Variants in CPAMD8 observed in about 807,000 individuals in gnomAD.
The protein encoded by CPAMD8 is C3 and PZP like alpha-2-macroglobulin domain containing 8, also known as C3 and PZP-like alpha-2-macroglobulin domain-containing protein 8.
Under a neutral mutation model 224.7 loss-of-function variants are expected in CPAMD8, and 146 were observed. That is an observed-to-expected ratio of 0.65 (90% confidence interval 0.57 to 0.75). The LOEUF is 0.75. Among genes scored for constraint, CPAMD8 ranks in the 30% least tolerant of loss-of-function variants. The pLI, the probability that CPAMD8 is intolerant of heterozygous loss-of-function variation, is 0.00. For missense variants in CPAMD8, 2,301 were observed against 2,537.5 expected, an observed-to-expected ratio of 0.91 and a Z score of 2.00; for synonymous variants, 966 against 1,044.6, an observed-to-expected ratio of 0.92 and a Z score of 1.45.
At position 16,907,019 on chromosome 19, in the gene CPAMD8, C is replaced by T. The variant is rs2052544905; in HGVS notation, c.3960G>A (p.Leu1320=). Residue 1320 remains leucine, a synonymous_variant, in exon 30 of 42, where the codon CTG becomes CTA. Transcript: ENST00000443236. ...GGGCTGCCGGGCTGCGGAGCAGGGT[C>T]AGCGCGTAGGTAGTCAGGGCACAGC... ...PYSCALTTYA[L]TLLRSPAAPE... is the part of the protein sequence containing the mutation. 1 of 1,608,118 alleles carries T rather than the reference C, an allele frequency of 6.2e-7. No homozygotes were observed. Among genetic ancestry groups the T allele is most frequent in the Non-Finnish European group, 8.5e-7 (1 of 1,178,336 alleles).
At chr19:17,001,791 G>A (rs2123037625) in intron 9 of CPAMD8, among the ~76,000 whole-genome samples, 1 of 151,896 alleles carries the variant, frequency 6.6e-6, no homozygotes, top group South Asian at 2.1e-4. Flanking sequence ...GGAGATGGAA[G>A]GGGAGGGCAG....
At position 17,020,927 on chromosome 19, in the gene CPAMD8, C is replaced by T. The variant is rs188791761; in HGVS notation, c.245-574G>A. Among the ~76,000 whole-genome samples, 5 of 152,324 alleles carry T rather than the reference C, an allele frequency of 3.3e-5. No individual in the cohort carries two copies. In the East Asian group the frequency reaches 9.6e-4, roughly 29 times the overall value. On this transcript the variant is annotated intron_variant, in intron 2 of 41. Transcript: ENST00000443236. ...AGCTATCTGCCCAGCACACAACGCACGTGGCTCCCAAGCTCTCCATCCACC... is the reference window on the plus strand; with the variant it reads ...AGCTATCTGCCCAGCACACAACGCATGTGGCTCCCAAGCTCTCCATCCACC...
chr19:16,945,484 GC>G, intron 22 of CPAMD8, 64 bp downstream of exon 22: 1 of 1,578,342 alleles, frequency 6.3e-7, no homozygotes, highest in Non-Finnish European at 8.6e-7. Flanking sequence ...CTCCAGCTGG[GC>G]CCAGCTTCAT....
At chr19:17,001,915 C>A (rs2123039144) in intron 9 of CPAMD8, among the ~76,000 whole-genome samples, 1 of 150,102 alleles carries the variant, frequency 6.7e-6, no homozygotes, top group African/African-American at 2.5e-5. Context: ...TGGCCACATC[C>A]TGGGGAGGGG....
rs367926026 is a variant in CPAMD8, at chr19:16,893,323, G to A, written c.5443C>T (p.Arg1815Trp). ...AGGTTCCCGCTGCTCACAGGAGGCCGAGGCCCGGCTGTGACCCTGGAGATG... is the reference window on the plus strand; with the variant it reads ...AGGTTCCCGCTGCTCACAGGAGGCCAAGGCCCGGCTGTGACCCTGGAGATG... ...EAEDRVTAGP[R>W]PPVSSGNLES... Residue 1815 changes from arginine (R) to tryptophan (W), a missense_variant, in exon 42 of 42, where the codon CGG (arginine) becomes TGG (tryptophan). By Grantham distance (101) the Arg-to-Trp change is moderately radical. Around this residue, in one of 4 missense-constraint regions of CPAMD8, gnomAD observed 1,709 missense variants for 1,753.2 expected, o/e 0.97. Coordinates refer to ENST00000443236, the MANE Select transcript of CPAMD8 (RefSeq NM_015692.5). 97 of 1,537,302 alleles carry A rather than the reference G, an allele frequency of 6.3e-5. 1 individual carries two copies. The African/African-American group carries it at 1.1e-3, about 17-fold the overall frequency.
Position 16,976,059 on chromosome 19 carries a change from G to A in CPAMD8, c.1851C>T (p.Ala617=), listed in dbSNP as rs201887865. The A allele has an allele frequency of 1.4e-3, 2,286 of 1,611,648 alleles. 13 individuals are homozygous for A. Among genetic ancestry groups the A allele is most frequent in the African/African-American group, 8.9e-3 (667 of 74,974 alleles). ...GCAGGTAGACACTCTTATCAACTGC[G>A]GCGACGCACACACAGCTGCCCCTTG... The part of the protein sequence containing the change: ...RAARGSCVCV[A]AVDKSVYLLR... The change falls in exon 16 of 42, where the codon GCC becomes GCT. Residue 617 remains alanine (A), a synonymous_variant. Coordinates refer to ENST00000443236, the MANE Select transcript of CPAMD8 (RefSeq NM_015692.5).
chr19:17,026,432 G>A, intron 1 of CPAMD8, 119 bp downstream of exon 1: 2 of 1,145,850 alleles, frequency 1.7e-6, no homozygotes, highest in South Asian at 1.9e-5. Context: ...AAGAGGCCAG[G>A]TCCAGCCCAG....
chr19:16,945,812 G>C, intron 21 of CPAMD8, 133 bp from the exon 22 acceptor site: 2 of 808,852 alleles, frequency 2.5e-6, no homozygotes, highest in Admixed American at 1.9e-5. Context: ...TGTATATGCA[G>C]ATGTGTGCAT....
At chr19:16,970,098 G>A (rs569026474) in intron 18 of CPAMD8, among the ~76,000 whole-genome samples, 5 of 149,068 alleles carry the variant, frequency 3.4e-5, no homozygotes, top group South Asian at 2.1e-4. Flanking sequence ...AAAAATTAGC[G>A]GGGTGTGGCG....
rs752398859 is a variant in CPAMD8 at position 16,907,052 on chromosome 19, G to A, written c.3927C>T (p.Asp1309=). ...FLESAAPLAM[D]PYSCALTTYA... Reference sequence around the variant, plus strand: ...AGGTAGTCAGGGCACAGCTATAAGGGTCCATGGCCAGGGGCGCAGCAGACT... The same window carrying A: ...AGGTAGTCAGGGCACAGCTATAAGGATCCATGGCCAGGGGCGCAGCAGACT... The change falls in exon 30 of 42, where the codon GAC becomes GAT. Residue 1309 remains aspartate (D), a synonymous_variant. Coordinates refer to ENST00000443236, the MANE Select transcript of CPAMD8 (RefSeq NM_015692.5). 2 of 1,606,460 alleles carry A rather than the reference G, an allele frequency of 1.2e-6. No individual in the cohort carries two copies. Among genetic ancestry groups the A allele is most frequent in the Non-Finnish European group, 1.7e-6 (2 of 1,176,758 alleles).
At chr19:16,993,347 C>T (rs1250991117) in intron 12 of CPAMD8, 69 bp downstream of exon 12, 2 of 1,399,262 alleles carry the variant, frequency 1.4e-6, no homozygotes, top group South Asian at 1.3e-5. Flanking sequence ...GGTGCCTGCA[C>T]CCAGCCTGGG....
chr19:17,011,826 G>A (rs2056663015), intron 3 of CPAMD8, 69 bp from the exon 4 acceptor site: 1 of 1,529,680 alleles, frequency 6.5e-7, no homozygotes, highest in Non-Finnish European at 8.8e-7. Context: ...TGGGGAAGGA[G>A]TTTGGAGGCC....
intron 1 of CPAMD8, among the ~76,000 whole-genome samples, chr19:17,023,905 T>G (rs2057018247): frequency 6.6e-6 from 1 of 152,074 alleles, no homozygotes; most frequent in South Asian, 2.1e-4. Flanking sequence ...CAACCCAACA[T>G]CCACATGCAA....
chr19:16,977,355 C>A lies in CPAMD8; in HGVS notation c.1758+13G>T, dbSNP rs1316481228. ...CCCTGGCTGTGTCCCAGGTTCAGTGCACGATGCTCTACCTGGTTTTCGAAG... is the reference window on the plus strand; with the variant it reads ...CCCTGGCTGTGTCCCAGGTTCAGTGAACGATGCTCTACCTGGTTTTCGAAG... On this transcript the variant is annotated intron_variant, in intron 15 of 41. Coordinates refer to ENST00000443236, the MANE Select transcript of CPAMD8 (RefSeq NM_015692.5). 6.3e-7 allele frequency: 1 copy of A among 1,599,748 alleles called. No homozygotes were observed. The highest frequency in any genetic ancestry group is 8.6e-7 in the Non-Finnish European group (1 of 1,169,256).
chr19:16,980,265 C>A (rs907178092), intron 14 of CPAMD8, among the ~76,000 whole-genome samples: 1 of 152,190 alleles, frequency 6.6e-6, no homozygotes. Context: ...CTTTCCCTGT[C>A]CCCTGCACAC....
Position 16,893,348 on chromosome 19 carries a change from G to T in CPAMD8, c.5427-9C>A. 2 of 1,512,318 alleles carry T rather than the reference G, an allele frequency of 1.3e-6. No individual in the cohort carries two copies. The highest frequency in any genetic ancestry group is 1.8e-6 in the Non-Finnish European group (2 of 1,126,416). The allele number at this position is 1,512,318 out of a possible 1,614,324, so 93.7% of individuals were successfully genotyped here. On this transcript the variant is annotated splice_polypyrimidine_tract_variant and intron_variant, in intron 41 of 41. Coordinates refer to ENST00000443236, the MANE Select transcript of CPAMD8 (RefSeq NM_015692.5). ...GAGGCCCGGCTGTGACCCTGGAGATGAGGTTTTATCTTACAACATCCTCTA... is the reference window on the plus strand; with the variant it reads ...GAGGCCCGGCTGTGACCCTGGAGATTAGGTTTTATCTTACAACATCCTCTA...
At chr19:17,021,941 C>A (rs374613004) in intron 2 of CPAMD8, 89 bp downstream of exon 2, 51 of 1,041,012 alleles carry the variant, frequency 4.9e-5, no homozygotes, top group African/African-American at 1.0e-4. Context: ...AGCAAAGCAA[C>A]ACCCACACTG....
chr19:16,896,070 C>A (rs1170933930), intron 41 of CPAMD8, 106 bp downstream of exon 41: 4 of 985,484 alleles, frequency 4.1e-6, no homozygotes, highest in African/African-American at 5.4e-5. Flanking sequence ...GGGGTCGGGG[C>A]GGGGCGGAGG....
chr19:16,930,334 A>T (rs1462687283), intron 23 of CPAMD8, among the ~76,000 whole-genome samples: 1 of 152,194 alleles, frequency 6.6e-6, no homozygotes, highest in Non-Finnish European at 1.5e-5. Context: ...AAGTGACAGG[A>T]ATCACCACAA....
Sources: gnomAD v4.1 joint callset for allele counts (sites outside exome capture counted in the v4.1 genomes callset) on GRCh38, gnomAD v4.1.1 for gene constraint, gnomAD v4.1.1 regional missense constraint, MANE v1.5 for transcripts, NCBI Gene and HGNC (gene_info 2026-07-23, HGNC 2026-07-21) for gene names.